RIC3: variants seen among roughly 807,000 people sequenced by gnomAD.
RIC3 encodes protein RIC-3.
In RIC3, 28 loss-of-function variants were observed where a neutral mutation model predicts 27.3. That is an observed-to-expected ratio of 1.02 (90% confidence interval 0.76 to 1.41). The LOEUF (loss-of-function observed/expected upper bound fraction) is 1.41, where lower values mean the gene tolerates loss of function less well. Among genes scored for constraint, RIC3 ranks in the 40% most tolerant of loss-of-function variants. RIC3 has a pLI of 0.00. For missense variants in RIC3, 501 were observed against 444.7 expected (o/e 1.13, Z -1.14); for synonymous variants, 184 against 160.4 (o/e 1.15, Z -1.11).
At chr11:8,097,581 C>T in the RIC3 span, 2 of 1,324,428 alleles carry the variant, frequency 1.5e-6, no homozygotes, top group African/African-American at 1.5e-5. Context: ...TTGTGTTTTC[C>T]AGTGCATTTG....
At chr11:8,104,374 C>CAAGTCTAGCTTTCCTTTCCT, downstream of RIC3, 1 of 152,406 alleles carries the variant, frequency 6.6e-6, no homozygotes, top group African/African-American at 2.4e-5. Flanking sequence ...AACTCTTCTC[C>CAAGTCTAGCTTTCCTTTCCT]AAGTCTAGCT....
downstream of RIC3, chr11:8,104,292 T>C (rs1944432210): frequency 6.6e-6 from 1 of 152,138 alleles, no homozygotes; most frequent in African/African-American, 2.4e-5. Flanking sequence ...TAACCGCTTC[T>C]GGGGCCACAC....
intron 5 of RIC3, among the ~76,000 whole-genome samples, chr11:8,119,224 C>A (rs1009189734): frequency 1.3e-5 from 2 of 152,182 alleles, no homozygotes; most frequent in Non-Finnish European, 2.9e-5. Flanking sequence ...CACGCTCAGA[C>A]ACATGCAGAT....
chr11:8,152,016 G>A (rs564878063), intron 1 of RIC3, among the ~76,000 whole-genome samples: 2 of 151,954 alleles, frequency 1.3e-5, no homozygotes, highest in African/African-American at 2.4e-5. Flanking sequence ...AACACCATTC[G>A]CCACCAAGGA....
intron 4 of RIC3, among the ~76,000 whole-genome samples, chr11:8,127,305 T>C (rs1057447927): frequency 5.3e-5 from 8 of 152,206 alleles, no homozygotes; most frequent in African/African-American, 1.9e-4. Flanking sequence ...TATAAGGATA[T>C]ATTCTAAAAT....
chr11:8,166,133 A>G (rs969849676), intron 1 of RIC3, among the ~76,000 whole-genome samples: 1 of 152,188 alleles, frequency 6.6e-6, no homozygotes, highest in Non-Finnish European at 1.5e-5. Flanking sequence ...CATTGCATAC[A>G]TGTCTCCATT....
At chr11:8,165,323 G>A (rs10839987) in intron 1 of RIC3, among the ~76,000 whole-genome samples, 7,902 of 136,048 alleles carry the variant, frequency 0.058, 619 homozygotes, top group East Asian at 0.39. Context: ...ATGAAATGTG[G>A]TATATCCACA....
chr11:8,118,935 A>G (rs540998848), intron 5 of RIC3, among the ~76,000 whole-genome samples: 1 of 152,252 alleles, frequency 6.6e-6, no homozygotes, highest in Admixed American at 6.5e-5. Flanking sequence ...TAGTATATTA[A>G]AAGTCCAAGT....
chr11:8,100,214 C>T, the RIC3 span, among the ~76,000 whole-genome samples: 17 of 152,242 alleles, frequency 1.1e-4, no homozygotes, highest in South Asian at 6.2e-4. Flanking sequence ...ATGGATTAGA[C>T]GTAGGATGTA....
intron 5 of RIC3, among the ~76,000 whole-genome samples, chr11:8,120,043 G>T (rs781579029): frequency 2.0e-5 from 3 of 152,224 alleles, no homozygotes; most frequent in Non-Finnish European, 4.4e-5. Flanking sequence ...GGAAATAACA[G>T]ATGCTAGAGA....
the RIC3 span, chr11:8,100,530 C>A: frequency 6.2e-7 from 1 of 1,614,092 alleles, no homozygotes; most frequent in Non-Finnish European, 8.5e-7. Flanking sequence ...CTTCAAGGGG[C>A]CTCGGAAGAT....
At chr11:8,120,054 G>A (rs914371730) in intron 5 of RIC3, among the ~76,000 whole-genome samples, 3 of 152,220 alleles carry the variant, frequency 2.0e-5, no homozygotes, top group Admixed American at 6.5e-5. Flanking sequence ...ATGCTAGAGA[G>A]GATGTGGAGA....
downstream of RIC3, chr11:8,102,864 G>C (rs973624917): frequency 6.6e-6 from 1 of 152,052 alleles, no homozygotes; most frequent in Non-Finnish European, 1.5e-5. Context: ...AAGTTCTCTT[G>C]ATTTCTTTGT....
At chr11:8,137,306 C>T (rs1431880633) in intron 4 of RIC3, 72 bp downstream of exon 4, 5 of 1,379,884 alleles carry the variant, frequency 3.6e-6, no homozygotes, top group East Asian at 4.6e-5. Flanking sequence ...TTAGAGGCCT[C>T]GGCCACTGCA....
At chr11:8,094,371 T>C in the RIC3 span, among the ~76,000 whole-genome samples, 1 of 152,226 alleles carries the variant, frequency 6.6e-6, no homozygotes, top group South Asian at 2.1e-4. Flanking sequence ...GGGAGGTGCC[T>C]GGGCTGCCTC....
chr11:8,151,989 C>T (rs1950284264), intron 1 of RIC3, among the ~76,000 whole-genome samples: 1 of 151,462 alleles, frequency 6.6e-6, no homozygotes, highest in African/African-American at 2.4e-5. Context: ...GTCCAATAAG[C>T]ACAGGAAAGG....
chr11:8,110,830 G>C lies in RIC3; in HGVS notation c.978C>G (p.Ser326Arg), dbSNP rs1409663887. Residue 326 changes from serine (S) to arginine (R), a missense_variant, in exon 6 of 6, where the codon AGC becomes AGG. Coordinates refer to ENST00000309737, the MANE Select transcript of RIC3 (RefSeq NM_001206671.4). ...LAENAGFSADSYPEQEETTKE... is the reference protein window; with the variant it reads ...LAENAGFSADRYPEQEETTKE... ...TGGTGGTTTCCTCTTGCTCAGGGTA[G>C]CTATCTGCACTGAATCCAGCATTCT... The C allele has an allele frequency of 6.2e-7, 1 of 1,614,202 alleles. No individual in the cohort carries two copies.
At chr11:8,095,742 G>A in the RIC3 span, 1 of 1,465,088 alleles carries the variant, frequency 6.8e-7, no homozygotes, top group Non-Finnish European at 9.2e-7. Context: ...CTGGGAGCAT[G>A]GCCTTCCTGT....
the RIC3 span, among the ~76,000 whole-genome samples, chr11:8,099,820 A>C: frequency 6.6e-6 from 1 of 152,202 alleles, no homozygotes; most frequent in Non-Finnish European, 1.5e-5. Flanking sequence ...ACAGCAGTGT[A>C]CGTGTCTAGG....
Sources: gnomAD v4.1 joint callset for allele counts (sites outside exome capture counted in the v4.1 genomes callset) on GRCh38, gnomAD v4.1.1 for gene constraint, MANE v1.5 for transcripts, NCBI Gene and HGNC (gene_info 2026-07-23, HGNC 2026-07-21) for gene names.